The following CMSS1 variants were observed in gnomAD, a reference collection of about 807,000 sequenced individuals.
CMSS1 encodes the protein protein CMSS1.
CMSS1 carries 33 observed loss-of-function variants against 43.5 expected under a neutral mutation model. The ratio of observed to expected loss-of-function variants is 0.76; its 90% confidence interval spans 0.57 to 1.01. The LOEUF is 1.01. CMSS1 is among the 50% of genes least tolerant of loss of function. The probability of loss-of-function intolerance (pLI) is 0.00; values close to 1 mark genes in which losing one functional copy is unlikely to be tolerated. For missense variants in CMSS1, 313 were observed against 326.4 expected, an observed-to-expected ratio of 0.96 and a Z score of 0.32; for synonymous variants, 115 against 117.2, an observed-to-expected ratio of 0.98 and a Z score of 0.12.
intron 1 of CMSS1, chr3:99,924,249 G>T: frequency 1.2e-6 from 2 of 1,613,682 alleles, no homozygotes; most frequent in Non-Finnish European, 1.7e-6. Context: ...TCCTGTTCTA[G>T]TAGGCATATG....
chr3:100,167,389 T>A (rs1014441757), intron 5 of CMSS1, among the ~76,000 whole-genome samples: 1 of 152,242 alleles, frequency 6.6e-6, no homozygotes, highest in Non-Finnish European at 1.5e-5. Context: ...CCCTTTAAAA[T>A]TTAACATGAT....
intron 1 of CMSS1, among the ~76,000 whole-genome samples, chr3:100,060,376 C>G (rs2065542065): frequency 6.6e-6 from 1 of 152,138 alleles, no homozygotes; most frequent in Non-Finnish European, 1.5e-5. Flanking sequence ...AACCATCTTC[C>G]TGATGCCCTT....
At chr3:99,960,530 T>C (rs1463926728) in intron 1 of CMSS1, among the ~76,000 whole-genome samples, 1 of 152,198 alleles carries the variant, frequency 6.6e-6, no homozygotes, top group Non-Finnish European at 1.5e-5. Flanking sequence ...TGAAGTGAAA[T>C]AATCTCCCTC....
At chr3:99,881,038 C>T (rs970406078) in intron 1 of CMSS1, among the ~76,000 whole-genome samples, 1 of 152,128 alleles carries the variant, frequency 6.6e-6, no homozygotes, top group African/African-American at 2.4e-5. Context: ...TGCCTGTTGG[C>T]CCCCTAACAT....
chr3:99,944,657 C>T (rs1385017215), intron 1 of CMSS1, among the ~76,000 whole-genome samples: 1 of 152,212 alleles, frequency 6.6e-6, no homozygotes, highest in African/African-American at 2.4e-5. Flanking sequence ...AGTGGCAGAA[C>T]AGGAATTCAA....
chr3:99,938,064 TGTGTGTGTGTGC>T (rs1183234351), intron 1 of CMSS1, among the ~76,000 whole-genome samples: 4 of 93,908 alleles, frequency 4.3e-5, no homozygotes, highest in East Asian at 4.7e-4. Flanking sequence ...TGTGTGTGTG[TGTGTGTGTGTGC>T]GCGCGCGCGC....
intron 1 of CMSS1, among the ~76,000 whole-genome samples, chr3:99,923,134 C>T (rs1237797017): frequency 2.6e-5 from 4 of 151,788 alleles, no homozygotes; most frequent in Non-Finnish European, 5.9e-5. Context: ...CTTTTTCTTC[C>T]AGAAAACTGC....
intron 1 of CMSS1, among the ~76,000 whole-genome samples, chr3:100,004,590 A>T (rs190065240): frequency 1.4e-4 from 21 of 152,208 alleles, no homozygotes; most frequent in African/African-American, 4.8e-4. Context: ...GATACAAGGA[A>T]TTAAGAAACA....
chr3:99,992,019 T>TACAC (rs1709538496), intron 1 of CMSS1, among the ~76,000 whole-genome samples: 1 of 150,822 alleles, frequency 6.6e-6, no homozygotes, highest in African/African-American at 2.4e-5. Context: ...TGTGTATATA[T>TACAC]ATATATACGT....
intron 1 of CMSS1, among the ~76,000 whole-genome samples, chr3:99,904,601 CT>C (rs940411368): frequency 1.3e-5 from 2 of 151,764 alleles, no homozygotes; most frequent in Non-Finnish European, 2.9e-5. Context: ...TTACTTTTCT[CT>C]TTTTTTTGTT....
chr3:100,127,216 T>C (rs2066670641), intron 1 of CMSS1, among the ~76,000 whole-genome samples: 1 of 152,226 alleles, frequency 6.6e-6, no homozygotes, highest in South Asian at 2.1e-4. Context: ...TATGTAGCTT[T>C]GTTGTGATTA....
chr3:99,896,171 A>G (rs1559679742), intron 1 of CMSS1, among the ~76,000 whole-genome samples: 1 of 152,216 alleles, frequency 6.6e-6, no homozygotes, highest in Non-Finnish European at 1.5e-5. Context: ...CACTGGCTCC[A>G]TTCCGTCTGC....
At chr3:99,857,927 A>G (rs1487155606) in intron 1 of CMSS1, among the ~76,000 whole-genome samples, 1 of 152,224 alleles carries the variant, frequency 6.6e-6, no homozygotes, top group Non-Finnish European at 1.5e-5. Context: ...CATTAGTACT[A>G]AGGCTATCCT....
chr3:100,080,430 G>GT (rs1430290636), intron 1 of CMSS1, among the ~76,000 whole-genome samples: 1 of 152,144 alleles, frequency 6.6e-6, no homozygotes, highest in East Asian at 1.9e-4. Context: ...CAGGGAACAT[G>GT]TTAAAATGTA....
intron 1 of CMSS1, among the ~76,000 whole-genome samples, chr3:100,082,456 T>C (rs1251605977): frequency 6.6e-6 from 1 of 152,222 alleles, no homozygotes; most frequent in Admixed American, 6.5e-5. Context: ...GACTGGTAGT[T>C]AGTTAATGGT....
chr3:100,081,413 A>C (rs2065929908), intron 1 of CMSS1, among the ~76,000 whole-genome samples: 1 of 152,178 alleles, frequency 6.6e-6, no homozygotes, highest in South Asian at 2.1e-4. Flanking sequence ...TCATACTCTT[A>C]AGCAAATTTT....
intron 2 of CMSS1, among the ~76,000 whole-genome samples, chr3:100,159,518 T>C (rs927566066): frequency 6.6e-5 from 10 of 152,368 alleles, no homozygotes; most frequent in Admixed American, 3.9e-4. Flanking sequence ...CAGTTTAAAC[T>C]GAGTATTCTC....
chr3:100,174,624 G>A (rs566566442), intron 8 of CMSS1, among the ~76,000 whole-genome samples: 2 of 152,264 alleles, frequency 1.3e-5, no homozygotes, highest in African/African-American at 2.4e-5. Flanking sequence ...CATACAAAGT[G>A]TTTAAAGAGA....
intron 1 of CMSS1, among the ~76,000 whole-genome samples, chr3:100,139,290 G>A (rs1237038780): frequency 6.6e-6 from 1 of 151,914 alleles, no homozygotes; most frequent in Non-Finnish European, 1.5e-5. Flanking sequence ...TGCACGTTCT[G>A]CACATGGATC....
Sources: gnomAD v4.1 joint callset for allele counts (sites outside exome capture counted in the v4.1 genomes callset) on GRCh38, gnomAD v4.1.1 for gene constraint, MANE v1.5 for transcripts, NCBI Gene and HGNC (gene_info 2026-07-23, HGNC 2026-07-21) for gene names.